ZBTB48: variants seen among roughly 807,000 people sequenced by gnomAD.
ZBTB48 encodes the protein zinc finger and BTB domain-containing protein 48.
A neutral mutation model predicts 64.5 loss-of-function variants in ZBTB48; 35 were observed. That is an observed-to-expected ratio of 0.54 (90% CI 0.41 to 0.72). The LOEUF (loss-of-function observed/expected upper bound fraction) is 0.72. ZBTB48 is among the 30% of genes least tolerant of loss of function. The pLI, the probability that ZBTB48 is intolerant of heterozygous loss-of-function variation, is 0.00. For missense variants in ZBTB48, 828 were observed against 895.3 expected, an observed-to-expected ratio of 0.92 and a Z score of 0.96; for synonymous variants, 442 against 356.7, an observed-to-expected ratio of 1.24 and a Z score of -2.70.
At position 6,586,769 on chromosome 1, in the gene ZBTB48, A is replaced by G; in HGVS notation, c.1119A>G (p.Thr373=). 1 of 1,607,644 alleles carries G rather than the reference A, an allele frequency of 6.2e-7. No homozygotes were observed. The highest frequency in any genetic ancestry group is 8.5e-7 in the Non-Finnish European group (1 of 1,176,556). The change falls in exon 5 of 11, where the codon ACA becomes ACG. Residue 373 remains threonine (T), a synonymous_variant. Transcript: ENST00000377674. ...MELRVHMVSH[T]GEMPYKCSSC... is the part of the protein sequence containing the mutation. The stretch of plus-strand genomic sequence containing the variant: ...TGCGGGTGCACATGGTGTCTCACAC[A>G]GGGGAGATGCCCTACAAGGTCAGGC...
Position 6,582,119 on chromosome 1 carries a change from C to T in ZBTB48, c.752C>T (p.Ala251Val). Residue 251 changes from alanine to valine, a missense_variant, in exon 3 of 11, where the codon GCT becomes GTT. Ala to Val is a moderately conservative substitution (Grantham distance 64, BLOSUM62 0). Coordinates refer to ENST00000377674, the MANE Select transcript of ZBTB48 (RefSeq NM_005341.4). ...GGCGATTACATGTCTGAGCCTGAGGCTGTGCTGACCAGGAGGAAGTCAAAT... is the reference window on the plus strand; with the variant it reads ...GGCGATTACATGTCTGAGCCTGAGGTTGTGCTGACCAGGAGGAAGTCAAAT... ...GDGDYMSEPE[A>V]VLTRRKSNVI... is the part of the protein sequence containing the mutation. 1.9e-6 allele frequency: 3 copies of T among 1,614,184 alleles called. No homozygotes were observed. The highest frequency in any genetic ancestry group is 2.5e-6 in the Non-Finnish European group (3 of 1,180,030).
At chr1:6,586,318 AG>A (rs1640665045) in intron 4 of ZBTB48, 1 of 509,252 alleles carries the variant, frequency 2.0e-6, no homozygotes, top group South Asian at 2.6e-5. Context: ...GAGCCGCTAC[AG>A]GGGATGGCAG....
In ZBTB48 at chr1:6,584,445, A is replaced by C. The variant is rs908622475; in HGVS notation, c.933-1474A>C. 1.3e-5 allele frequency among the ~76,000 whole-genome samples: 2 copies of C among 151,864 alleles called. No individual in the cohort carries two copies. Among genetic ancestry groups the C allele is most frequent in the Admixed American group, 1.3e-4 (2 of 15,252 alleles). Reference sequence around the variant, plus strand: ...CAGTGGCATGCCTTCCAGTCCTGCCACTCCCAGCCAAGACATCACTAGTCT... The same window carrying C: ...CAGTGGCATGCCTTCCAGTCCTGCCCCTCCCAGCCAAGACATCACTAGTCT... On this transcript the variant is annotated intron_variant, in intron 3 of 10. Coordinates refer to ENST00000377674, the MANE Select transcript of ZBTB48 (RefSeq NM_005341.4). This position sits in a 1 kb window ranked among gnomAD's most constrained non-coding sequence, Gnocchi z 4.5.
chr1:6,583,776 CTTT>C (rs36102416), intron 3 of ZBTB48, among the ~76,000 whole-genome samples: 6 of 85,858 alleles, frequency 7.0e-5, no homozygotes, highest in Non-Finnish European at 6.8e-5. Context: ...AATTGTTTTA[CTTT>C]TTTTTTTTTT....
intron 7 of ZBTB48, 103 bp from the exon 8 acceptor site, chr1:6,587,957 A>G (rs1440903680): frequency 4.7e-6 from 7 of 1,498,890 alleles, no homozygotes; most frequent in Non-Finnish European, 6.3e-6. Context: ...CTTTCCTAGC[A>G]CTGCCCAAGC....
chr1:6,588,839 C>T lies in ZBTB48; in HGVS notation c.1765C>T (p.Arg589Ter), dbSNP rs764164145. Reference sequence around the variant, plus strand: ...CACCGAGTGTGGCTACAAGTTTACCCGACAGGTAGGCCAGGGCCTGGGCCC... The same window carrying T: ...CACCGAGTGTGGCTACAAGTTTACCTGACAGGTAGGCCAGGGCCTGGGCCC... ...ECTECGYKFTRQAHLRRHMEI... is the reference protein window; with the variant it reads ...ECTECGYKFT The change falls in exon 10 of 11, where the codon CGA becomes TGA. Residue 589 changes from arginine to a stop codon, truncating the protein, a stop_gained. Transcript: ENST00000377674. LOFTEE classifies it high-confidence loss of function. 3.7e-6 allele frequency: 6 copies of T among 1,614,098 alleles called. No homozygotes were observed. The highest frequency in any genetic ancestry group is 1.1e-5 in the South Asian group (1 of 91,078).
chr1:6,586,060 G>A, intron 4 of ZBTB48, 30 bp downstream of exon 4: 1 of 1,607,492 alleles, frequency 6.2e-7, no homozygotes, highest in Middle Eastern at 1.7e-4. Flanking sequence ...GGTACTTGTG[G>A]GCAGGGCACA....
chr1:6,588,238 G>C, intron 8 of ZBTB48, 40 bp from the exon 9 acceptor site: 1 of 1,612,286 alleles, frequency 6.2e-7, no homozygotes, highest in Non-Finnish European at 8.5e-7. Context: ...CCCATCCTGA[G>C]GCCAAGGCCA....
At position 6,587,591 on chromosome 1, in the gene ZBTB48, G is replaced by A. The variant is rs370212251; in HGVS notation, c.1338G>A (p.Ser446=). The change falls in exon 7 of 11, where the codon TCG becomes TCA. Residue 446 remains serine, a synonymous_variant. Coordinates refer to ENST00000377674, the MANE Select transcript of ZBTB48 (RefSeq NM_005341.4). ...GTGAGGAGTGTGGGCACCGGGCCTC[G>A]AGCCGGAATGGCCTGCAGATGCACA... The part of the protein sequence containing the change: ...FVCEECGHRA[S]SRNGLQMHIK... 52 of 1,613,620 alleles carry A rather than the reference G, an allele frequency of 3.2e-5. No homozygotes were observed. In the East Asian group the frequency reaches 4.0e-4, roughly 12 times the overall value.
At chr1:6,587,726 A>G in intron 7 of ZBTB48, 94 bp downstream of exon 7, 1 of 1,541,126 alleles carries the variant, frequency 6.5e-7, no homozygotes, top group East Asian at 2.3e-5. Context: ...TTTTACACAG[A>G]TGAGTGTGCC....
intron 4 of ZBTB48, 69 bp from the exon 5 acceptor site, chr1:6,586,626 G>A (rs1640677430): frequency 3.2e-6 from 4 of 1,237,982 alleles, no homozygotes; most frequent in Middle Eastern, 2.6e-4. Flanking sequence ...GCGGAAGCCC[G>A]GGCAGAGGCT....
intron 4 of ZBTB48, 116 bp from the exon 5 acceptor site, chr1:6,586,579 T>A: frequency 7.4e-7 from 1 of 1,353,114 alleles, no homozygotes; most frequent in Non-Finnish European, 9.6e-7. Context: ...CACCCTAGCG[T>A]CCCCACCCTC....
At chr1:6,587,737 C>A (rs1640728356) in intron 7 of ZBTB48, 105 bp downstream of exon 7, 2 of 1,511,152 alleles carry the variant, frequency 1.3e-6, no homozygotes, top group East Asian at 2.4e-5. Flanking sequence ...TGAGTGTGCC[C>A]TTGGCCTCCA....
rs147824450 is a variant in ZBTB48, at chr1:6,587,333, G to A, written c.1224+42G>A. 5.3e-4 allele frequency: 860 copies of A among 1,613,202 alleles called. 4 individuals carry two copies. In the African/African-American group the frequency reaches 0.01, roughly 19 times the overall value. ...GCTGGGCATGCTTTGATGCTGGCAT[G>A]AGCAAGAGTGAGCTGTGCCCAGAGT... On this transcript the variant is annotated intron_variant, in intron 6 of 10. Coordinates refer to ENST00000377674, the MANE Select transcript of ZBTB48 (RefSeq NM_005341.4).
At position 6,587,282 on chromosome 1, in the gene ZBTB48, G is replaced by A. The variant is rs1297908873; in HGVS notation, c.1215G>A (p.Lys405=). The A allele has an allele frequency of 1.2e-6, 2 of 1,613,964 alleles. No individual in the cohort carries two copies. The highest frequency in any genetic ancestry group is 2.7e-5 in the African/African-American group (2 of 74,932). Residue 405 remains lysine (K), a synonymous_variant, in exon 6 of 11, where the codon AAG becomes AAA. Transcript: ENST00000377674. ...SHMIKLHGAP[K]PHACPTCAKC... is the part of the protein sequence containing the mutation. Reference sequence around the variant, plus strand: ...TGATCAAACTTCATGGAGCCCCCAAGCCCCATGCAGTAAGTGACAGGGAGG... The same window carrying A: ...TGATCAAACTTCATGGAGCCCCCAAACCCCATGCAGTAAGTGACAGGGAGG...
intron 3 of ZBTB48, among the ~76,000 whole-genome samples, chr1:6,585,111 C>A (rs796811945): frequency 6.6e-6 from 1 of 152,016 alleles, no homozygotes; most frequent in African/African-American, 2.4e-5. Context: ...GGTTCGATTG[C>A]GATTTTAAGT....
chr1:6,586,015 G>A lies in ZBTB48; in HGVS notation c.1029G>A (p.Met343Ile), dbSNP rs769685435. Residue 343 changes from methionine (M) to isoleucine (I), a missense_variant, in exon 4 of 11, where the codon ATG becomes ATA. Coordinates refer to ENST00000377674, the MANE Select transcript of ZBTB48 (RefSeq NM_005341.4). ...TGGAGCATGAAGCCCGGAATTGCAT[G>A]AACCGCTCGGAACAGGTACTTGGGA... ...NLLEHEARNCMNRSEQVFTCS... is the reference protein window; with the variant it reads ...NLLEHEARNCINRSEQVFTCS... 2 of 1,614,104 alleles carry A rather than the reference G, an allele frequency of 1.2e-6. No homozygotes were observed. Among genetic ancestry groups the A allele is most frequent in the Non-Finnish European group, 1.7e-6 (2 of 1,179,966 alleles).
At position 6,580,463 on chromosome 1, in the gene ZBTB48, C is replaced by G. The variant is rs1640400112; in HGVS notation, c.-69-78C>G. On this transcript the variant is annotated intron_variant, in intron 1 of 10. Coordinates refer to ENST00000377674, the MANE Select transcript of ZBTB48 (RefSeq NM_005341.4). This position sits in a 1 kb window ranked among gnomAD's most constrained non-coding sequence, Gnocchi z 5.2. ...CCAGCCCTCCGCGTGCACCCCTCAC[C>G]CTGACCCAAGCCCTCGTGCTGATAA... is the stretch of plus-strand genomic sequence containing the variant. 1.9e-5 allele frequency: 16 copies of G among 853,074 alleles called. No individual in the cohort carries two copies. In the South Asian group the frequency reaches 2.9e-4, roughly 15 times the overall value. 52.8% of individuals were successfully genotyped at this position (853,074 alleles called of 1,614,324 possible).
chr1:6,588,705 G>A lies in ZBTB48; in HGVS notation c.1682-51G>A, dbSNP rs373641205. ...TCCCAACCTCCTGCTGGGTTTCCTC[G>A]AGGGTCCCGGGGCTCCTGCATGATC... On this transcript the variant is annotated intron_variant, in intron 9 of 10. Transcript: ENST00000377674. The A allele has an allele frequency of 9.9e-5, 160 of 1,612,148 alleles. No homozygotes were observed. The African/African-American group carries it at 1.8e-3, about 18-fold the overall frequency.
Sources: allele counts gnomAD v4.1 joint callset (sites outside exome capture counted in the v4.1 genomes callset), GRCh38; gene constraint gnomAD v4.1.1; non-coding constraint Gnocchi (gnomAD v3.1); transcripts MANE v1.5; gene names NCBI Gene and HGNC (gene_info 2026-07-23, HGNC 2026-07-21).